The following PTPRG variants were observed in gnomAD, a reference collection of about 807,000 sequenced individuals.
The protein encoded by PTPRG is protein tyrosine phosphatase receptor type G.
In PTPRG, 102 loss-of-function variants were observed where a neutral mutation model predicts 165.3. That is an observed-to-expected ratio of 0.62 (90% CI 0.53 to 0.73). The LOEUF (loss-of-function observed/expected upper bound fraction) is 0.73, where lower values mean the gene tolerates loss of function less well. Ranked by LOEUF, PTPRG falls within the 30% of genes least tolerant of loss-of-function variation. The pLI is 0.00. For missense variants in PTPRG, 1,866 were observed against 1,861.4 expected (o/e 1.00, Z -0.05); for synonymous variants, 675 against 669.5 (o/e 1.01, Z -0.13).
chr3:61,675,259 A>T (rs939325411), intron 1 of PTPRG, among the ~76,000 whole-genome samples: 1 of 152,108 alleles, frequency 6.6e-6, no homozygotes, highest in Non-Finnish European at 1.5e-5. Context: ...TTTCCGGAGG[A>T]TGGAGGATGT....
intron 2 of PTPRG, among the ~76,000 whole-genome samples, chr3:61,793,275 G>A (rs1312727004): frequency 6.6e-6 from 1 of 152,162 alleles, no homozygotes; most frequent in East Asian, 1.9e-4. Context: ...TATGTCACCT[G>A]GGCTTGTGGT....
intron 4 of PTPRG, among the ~76,000 whole-genome samples, chr3:62,008,103 A>C (rs1254754886): frequency 1.3e-5 from 2 of 152,198 alleles, no homozygotes. Flanking sequence ...ATCGTATCCT[A>C]AACTTTTTTC....
At chr3:61,686,606 C>A (rs185247157) in intron 1 of PTPRG, among the ~76,000 whole-genome samples, 45 of 152,308 alleles carry the variant, frequency 3.0e-4, no homozygotes, top group African/African-American at 1.1e-3. Flanking sequence ...TTATTCCTTG[C>A]ATCAGTGTTT....
chr3:62,208,546 G>A (rs1700283898), intron 12 of PTPRG, among the ~76,000 whole-genome samples: 1 of 152,094 alleles, frequency 6.6e-6, no homozygotes, highest in South Asian at 2.1e-4. Context: ...GTGCTAAGGG[G>A]ACATTCCACT....
intron 2 of PTPRG, among the ~76,000 whole-genome samples, chr3:61,789,293 G>A (rs1234440178): frequency 6.6e-6 from 1 of 151,856 alleles, no homozygotes; most frequent in African/African-American, 2.4e-5. Context: ...GTAGAGACGG[G>A]GTCTCCCTGT....
At chr3:61,864,397 G>A (rs1423348516) in intron 2 of PTPRG, among the ~76,000 whole-genome samples, 1 of 152,272 alleles carries the variant, frequency 6.6e-6, no homozygotes, top group African/African-American at 2.4e-5. Context: ...TAAGGGGACA[G>A]TGCTTCTCCT....
chr3:61,865,446 T>C (rs1168658893), intron 2 of PTPRG, among the ~76,000 whole-genome samples: 3 of 152,190 alleles, frequency 2.0e-5, no homozygotes, highest in African/African-American at 7.2e-5. Context: ...GCATGTGTCT[T>C]GTAAATGGTG....
At chr3:62,221,647 C>T (rs1700653770) in intron 13 of PTPRG, among the ~76,000 whole-genome samples, 1 of 152,146 alleles carries the variant, frequency 6.6e-6, no homozygotes, top group South Asian at 2.1e-4. Flanking sequence ...GGCAAACAGA[C>T]TTGACATAAG....
At chr3:62,026,625 G>A (rs140044176) in intron 4 of PTPRG, among the ~76,000 whole-genome samples, 2,822 of 152,188 alleles carry the variant, frequency 0.019, 37 homozygotes, top group Non-Finnish European at 0.029. Context: ...GGTGGCTCAC[G>A]CCTGTAATTC....
intron 1 of PTPRG, among the ~76,000 whole-genome samples, chr3:61,566,368 T>G (rs1699914309): frequency 1.3e-5 from 2 of 152,278 alleles, no homozygotes; most frequent in Non-Finnish European, 2.9e-5. Flanking sequence ...AGCTCCCAAG[T>G]TAACAGAGTA....
At chr3:62,223,622 G>A (rs1027922603) in intron 13 of PTPRG, among the ~76,000 whole-genome samples, 1 of 152,106 alleles carries the variant, frequency 6.6e-6, no homozygotes, top group Non-Finnish European at 1.5e-5. Context: ...TAAGAAATGG[G>A]CCACAAGTTC....
chr3:61,975,909 C>A (rs1314775871), intron 2 of PTPRG, among the ~76,000 whole-genome samples: 1 of 152,128 alleles, frequency 6.6e-6, no homozygotes, highest in Non-Finnish European at 1.5e-5. Flanking sequence ...TTTATATATT[C>A]TCCTTGTATA....
At chr3:62,020,789 C>G (rs1208480705) in intron 4 of PTPRG, among the ~76,000 whole-genome samples, 5 of 151,792 alleles carry the variant, frequency 3.3e-5, no homozygotes, top group African/African-American at 1.2e-4. Context: ...TCACAGCTCA[C>G]TGCAGCCTCG....
At chr3:62,247,642 A>C (rs1452039420) in intron 15 of PTPRG, among the ~76,000 whole-genome samples, 1 of 152,142 alleles carries the variant, frequency 6.6e-6, no homozygotes, top group Admixed American at 6.5e-5. Context: ...CCCTGCACAA[A>C]AACAGGTCTG....
At chr3:62,017,001 T>A (rs923440024) in intron 4 of PTPRG, among the ~76,000 whole-genome samples, 17 of 152,144 alleles carry the variant, frequency 1.1e-4, no homozygotes, top group Non-Finnish European at 4.4e-5. Flanking sequence ...TATTGATTTC[T>A]TTACTTATTT....
In PTPRG at chr3:62,266,679, C is replaced by T. The variant is rs115626255; in HGVS notation, c.2657-731C>T. Among the ~76,000 whole-genome samples the T allele has an allele frequency of 5.0e-3, 759 of 151,632 alleles. 5 individuals are homozygous for T. The highest frequency in any genetic ancestry group is 0.018 in the African/African-American group (729 of 41,298). On this transcript the variant is annotated intron_variant, in intron 17 of 29. Transcript: ENST00000474889. Reference sequence around the variant, plus strand: ...CTCATTGGACTTCTTTTTCAACTAGCCTTTTATGATAATGACTATAAACAG... The same window carrying T: ...CTCATTGGACTTCTTTTTCAACTAGTCTTTTATGATAATGACTATAAACAG...
intron 1 of PTPRG, among the ~76,000 whole-genome samples, chr3:61,643,579 G>C (rs1702122170): frequency 6.6e-6 from 1 of 152,116 alleles, no homozygotes; most frequent in South Asian, 2.1e-4. Context: ...AGGAGTTCGA[G>C]ACCAGCCTGG....
intron 1 of PTPRG, among the ~76,000 whole-genome samples, chr3:61,687,727 C>A (rs954114618): frequency 6.6e-5 from 10 of 152,200 alleles, no homozygotes; most frequent in Non-Finnish European, 1.3e-4. Context: ...TCTTTACATG[C>A]CAGTTTGCAT....
intron 4 of PTPRG, among the ~76,000 whole-genome samples, chr3:62,065,009 G>A (rs1192473561): frequency 6.6e-6 from 1 of 152,038 alleles, no homozygotes; most frequent in Non-Finnish European, 1.5e-5. Context: ...TGAGATTATA[G>A]GTGTGAGCCA....
Sources: allele counts gnomAD v4.1 joint callset (sites outside exome capture counted in the v4.1 genomes callset), GRCh38; gene constraint gnomAD v4.1.1; transcripts MANE v1.5; gene names NCBI Gene and HGNC (gene_info 2026-07-23, HGNC 2026-07-21).